The following WASL variants were observed in gnomAD, a reference collection of about 807,000 sequenced individuals.
WASL encodes the protein actin nucleation-promoting factor WASL.
Under a neutral mutation model 55.5 loss-of-function variants are expected in WASL, and 20 were observed. The observed-to-expected ratio is 0.36, with a 90% CI of 0.25 to 0.52. The LOEUF is 0.52. Among genes scored for constraint, WASL ranks in the 20% least tolerant of loss-of-function variants. The pLI is 0.92. For synonymous variants in WASL, 249 were observed against 217.6 expected (o/e 1.14, Z -1.27); for missense variants, 504 against 622.5 (o/e 0.81, Z 2.03).
In WASL at chr7:123,683,239, TATG is replaced by T. The variant is rs1215443836; in HGVS notation, c.*1277_*1279del. 1 of 152,112 alleles carries T rather than the reference TATG, an allele frequency of 6.6e-6. No homozygotes were observed. Among genetic ancestry groups the T allele is most frequent in the Non-Finnish European group, 1.5e-5 (1 of 67,966 alleles). 9.4% of individuals were successfully genotyped at this position (152,112 alleles called of 1,614,324 possible). A position where few individuals can be genotyped will look rare whatever the true frequency, so the allele number is the denominator to read the frequency against. On this transcript the variant is annotated 3_prime_UTR_variant, in exon 11 of 11. Transcript: ENST00000223023. ...CTACCTAAAATTTAAAGTAGGTAGG[TATG>T]ATAATTAGCATTATAAATATGAAAC...
rs73224185 is a variant in WASL at position 123,712,733 on chromosome 7, A to G, written c.118-3510T>C. Among the ~76,000 whole-genome samples the G allele has an allele frequency of 6.8e-3, 1,039 of 152,266 alleles. 11 individuals are homozygous for G. Among genetic ancestry groups the G allele is most frequent in the Non-Finnish European group, 0.01 (684 of 68,006 alleles). On this transcript the variant is annotated intron_variant, in intron 1 of 10. Coordinates refer to ENST00000223023, the MANE Select transcript of WASL (RefSeq NM_003941.4). ...TCTCCCCAGAGCCATTACTACCTCT[A>G]TATATGTTAGCCACTGCTGCAATGG...
chr7:123,693,605 CTAT>C (rs1383558944), intron 8 of WASL, among the ~76,000 whole-genome samples: 3 of 152,152 alleles, frequency 2.0e-5, no homozygotes, highest in Non-Finnish European at 4.4e-5. Flanking sequence ...ACAAAAATTA[CTAT>C]TATTCCAGTA....
chr7:123,748,993 C>A lies in WASL; in HGVS notation c.-259G>T. ...GCCGGATGGTCGTTGTCCTCGCACT[C>A]CGGCGACTGCGCTAAACTCCCAACT... On this transcript the variant is annotated 5_prime_UTR_variant, in exon 1 of 11. Transcript: ENST00000223023. 1 of 497,422 alleles carries A rather than the reference C, an allele frequency of 2.0e-6. No homozygotes were observed. The highest frequency in any genetic ancestry group is 3.5e-6 in the Non-Finnish European group (1 of 284,114). 30.8% of individuals were successfully genotyped at this position (497,422 alleles called of 1,614,324 possible). A position where few individuals can be genotyped will look rare whatever the true frequency, so the allele number is the denominator to read the frequency against.
chr7:123,708,313 AG>A (rs1803703691), intron 2 of WASL, among the ~76,000 whole-genome samples: 1 of 152,204 alleles, frequency 6.6e-6, no homozygotes, highest in Non-Finnish European at 1.5e-5. Flanking sequence ...CTGAGACCAG[AG>A]GTGTAAAAAT....
intron 2 of WASL, among the ~76,000 whole-genome samples, chr7:123,707,526 T>C (rs1390671208): frequency 2.0e-5 from 3 of 152,216 alleles, no homozygotes; most frequent in African/African-American, 4.8e-5. Context: ...TGACGAATTA[T>C]GAGTGTCCAG....
At chr7:123,726,957 A>T (rs983724665) in intron 1 of WASL, among the ~76,000 whole-genome samples, 2 of 152,178 alleles carry the variant, frequency 1.3e-5, no homozygotes, top group East Asian at 3.9e-4. Flanking sequence ...TGTCCAGAAT[A>T]TATATAACAT....
chr7:123,685,859 TATATATAA>T (rs57861743), intron 10 of WASL, among the ~76,000 whole-genome samples: 2,213 of 142,950 alleles, frequency 0.015, 52 homozygotes, highest in African/African-American at 0.053. Flanking sequence ...TACATATACC[TATATATAA>T]ATATATAAAT....
At chr7:123,686,726 A>C (rs1450211463) in intron 10 of WASL, among the ~76,000 whole-genome samples, 1 of 152,168 alleles carries the variant, frequency 6.6e-6, no homozygotes, top group Non-Finnish European at 1.5e-5. Flanking sequence ...CCTAGCAAAC[A>C]ACCTCTAAAC....
rs1292130924 is a variant in WASL at position 123,748,771 on chromosome 7, C to A, written c.-37G>T. 1.3e-6 allele frequency: 2 copies of A among 1,490,382 alleles called. No individual in the cohort carries two copies. Among genetic ancestry groups the A allele is most frequent in the Non-Finnish European group, 1.8e-6 (2 of 1,116,382 alleles). The allele number at this position is 1,490,382 out of a possible 1,614,324, so 92.3% of individuals were successfully genotyped here. On this transcript the variant is annotated 5_prime_UTR_variant, in exon 1 of 11. Coordinates refer to ENST00000223023, the MANE Select transcript of WASL (RefSeq NM_003941.4). ...CGGGGTTGGGAGTCCAGGGCCGTCT[C>A]CTCCGGCGAGTGGGCGAGAGCTCGT...
chr7:123,730,828 T>C (rs879457775), intron 1 of WASL, among the ~76,000 whole-genome samples: 2 of 152,022 alleles, frequency 1.3e-5, no homozygotes, highest in Admixed American at 1.3e-4. Flanking sequence ...GTTCAGGGAG[T>C]ACATGTGCAG....
At chr7:123,700,750 T>A (rs944868094) in intron 5 of WASL, among the ~76,000 whole-genome samples, 1 of 152,194 alleles carries the variant, frequency 6.6e-6, no homozygotes, top group Non-Finnish European at 1.5e-5. Flanking sequence ...CTATTCTACC[T>A]CTTATACCTC....
At chr7:123,747,737 C>A (rs568151220) in intron 1 of WASL, among the ~76,000 whole-genome samples, 3 of 152,272 alleles carry the variant, frequency 2.0e-5, no homozygotes, top group African/African-American at 7.2e-5. Flanking sequence ...GCCTACACCA[C>A]AGAGCAGAAC....
intron 5 of WASL, among the ~76,000 whole-genome samples, chr7:123,704,314 T>TA (rs1013476361): frequency 6.6e-6 from 1 of 152,186 alleles, no homozygotes; most frequent in African/African-American, 2.4e-5. Flanking sequence ...ATTGTATACT[T>TA]AGTCAACTGT....
At chr7:123,732,365 A>G (rs1404412499) in intron 1 of WASL, among the ~76,000 whole-genome samples, 1 of 152,058 alleles carries the variant, frequency 6.6e-6, no homozygotes. Context: ...ATAAAAAAAG[A>G]AGAGGTCTAT....
At chr7:123,736,701 T>G (rs1035855492) in intron 1 of WASL, among the ~76,000 whole-genome samples, 2 of 152,114 alleles carry the variant, frequency 1.3e-5, no homozygotes, top group African/African-American at 4.8e-5. Context: ...AAATGGGTAA[T>G]GTATATATAA....
rs1236434651 is a variant in WASL at position 123,683,056 on chromosome 7, G to T, written c.*1463C>A. 6.6e-6 allele frequency: 1 copy of T among 152,080 alleles called. No homozygotes were observed. Among genetic ancestry groups the T allele is most frequent in the Non-Finnish European group, 1.5e-5 (1 of 67,980 alleles). The allele number at this position is 152,080 out of a possible 1,614,324, so 9.4% of individuals were successfully genotyped here. A position where few individuals can be genotyped will look rare whatever the true frequency, so the allele number is the denominator to read the frequency against. On this transcript the variant is annotated 3_prime_UTR_variant, in exon 11 of 11. Coordinates refer to ENST00000223023, the MANE Select transcript of WASL (RefSeq NM_003941.4). ...AAGCCACATCTTGCAGGTCCAGCCT[G>T]TCAAGATCTGCCAATACGAGATTTT...
Position 123,692,857 on chromosome 7 carries a change from A to T in WASL, c.837T>A (p.Pro279=), listed in dbSNP as rs1457528766. ...KNELRRQAPP[P]PPPSRGGPPP... Reference sequence around the variant, plus strand: ...GTGGCCCTCCCCTTGATGGTGGTGGAGGTGGTGGTGCTGAAATGCAAACAG... The same window carrying T: ...GTGGCCCTCCCCTTGATGGTGGTGGTGGTGGTGGTGCTGAAATGCAAACAG... Residue 279 remains proline, a synonymous_variant, in exon 9 of 11, where the codon CCT becomes CCA. Coordinates refer to ENST00000223023, the MANE Select transcript of WASL (RefSeq NM_003941.4). The T allele has an allele frequency of 2.2e-6, 3 of 1,364,882 alleles. No homozygotes were observed. Among genetic ancestry groups the T allele is most frequent in the Non-Finnish European group, 2.8e-6 (3 of 1,054,834 alleles). 84.5% of individuals were successfully genotyped at this position (1,364,882 alleles called of 1,614,324 possible).
chr7:123,722,276 G>C (rs567074075), intron 1 of WASL, among the ~76,000 whole-genome samples: 2 of 152,116 alleles, frequency 1.3e-5, no homozygotes, highest in Non-Finnish European at 2.9e-5. Flanking sequence ...TAATTTATTA[G>C]AACAAGATAT....
intron 10 of WASL, among the ~76,000 whole-genome samples, chr7:123,686,062 G>C: frequency 6.6e-6 from 1 of 151,100 alleles, no homozygotes; most frequent in Non-Finnish European, 1.5e-5. Context: ...ATGTAAAATT[G>C]ATTGTGTGAA....
Sources: gnomAD v4.1 joint callset for allele counts (sites outside exome capture counted in the v4.1 genomes callset) on GRCh38, gnomAD v4.1.1 for gene constraint, MANE v1.5 for transcripts, NCBI Gene and HGNC (gene_info 2026-07-23, HGNC 2026-07-21) for gene names.